The following SGPP2 variants were observed in gnomAD, a reference collection of about 807,000 sequenced individuals.
SGPP2 encodes the protein sphingosine-1-phosphate phosphatase 2.
In SGPP2, 30 loss-of-function variants were observed where a neutral mutation model predicts 33.9. The observed-to-expected ratio is 0.89, with a 90% CI of 0.66 to 1.20. The LOEUF is 1.20. SGPP2 is among the 50% of genes most tolerant of loss of function. The pLI is 0.00. For missense variants in SGPP2, 458 were observed against 532.1 expected (o/e 0.86, Z 1.37); for synonymous variants, 233 against 225.0 (o/e 1.04, Z -0.32).
intron 1 of SGPP2, among the ~76,000 whole-genome samples, chr2:222,426,304 C>T (rs1200719398): frequency 1.3e-5 from 2 of 151,514 alleles, no homozygotes; most frequent in African/African-American, 4.9e-5. Flanking sequence ...ATATTCGGTG[C>T]ACACACTGTT....
rs868347768 is a variant in SGPP2, at chr2:222,476,939, G to A, written c.378+2213G>A. Among the ~76,000 whole-genome samples the A allele has an allele frequency of 2.0e-5, 3 of 151,372 alleles. No individual in the cohort carries two copies. The highest frequency in any genetic ancestry group is 7.3e-5 in the African/African-American group (3 of 41,038). Reference sequence around the variant, plus strand: ...TATATATGTGTATTGGAGTATATAGGTGTGTATGTATGTATGTATAGTGTG... The same window carrying A: ...TATATATGTGTATTGGAGTATATAGATGTGTATGTATGTATGTATAGTGTG... On this transcript the variant is annotated intron_variant, in intron 2 of 4. Coordinates refer to ENST00000321276, the MANE Select transcript of SGPP2 (RefSeq NM_152386.4). The surrounding 1 kb of genome is among the most constrained non-coding windows in gnomAD (Gnocchi z 4.3).
chr2:222,449,806 AG>A (rs1291018289), intron 1 of SGPP2, among the ~76,000 whole-genome samples: 1 of 152,178 alleles, frequency 6.6e-6, no homozygotes, highest in South Asian at 2.1e-4. Context: ...GTGTGTACCA[AG>A]GGGAATGTAG....
chr2:222,496,903 C>G (rs1698289651), intron 2 of SGPP2, among the ~76,000 whole-genome samples: 1 of 152,144 alleles, frequency 6.6e-6, no homozygotes, highest in Non-Finnish European at 1.5e-5. Context: ...TATTGGGTAA[C>G]ATAAATAAAG....
intron 1 of SGPP2, among the ~76,000 whole-genome samples, chr2:222,455,063 A>G (rs1697550882): frequency 1.3e-5 from 2 of 152,048 alleles, no homozygotes; most frequent in East Asian, 3.9e-4. Flanking sequence ...GAAAAAAACT[A>G]ACAGGTACAA....
intron 2 of SGPP2, chr2:222,504,004 T>C (rs1191063043): frequency 6.6e-6 from 1 of 152,168 alleles, no homozygotes; most frequent in East Asian, 1.9e-4. Flanking sequence ...AGATCAAAAA[T>C]GGGATAGTGG....
intron 1 of SGPP2, among the ~76,000 whole-genome samples, chr2:222,431,517 C>T (rs1041036835): frequency 1.1e-4 from 17 of 151,828 alleles, no homozygotes; most frequent in African/African-American, 2.7e-4. Context: ...GCCCCCCGCT[C>T]GAAGTCTAAA....
At chr2:222,487,681 A>G (rs1414923043) in intron 2 of SGPP2, among the ~76,000 whole-genome samples, 4 of 152,192 alleles carry the variant, frequency 2.6e-5, no homozygotes, top group Non-Finnish European at 5.9e-5. Flanking sequence ...GGGCTTTCAC[A>G]GGAGAGACAG....
intron 1 of SGPP2, 109 bp from the exon 2 acceptor site, chr2:222,474,459 G>C (rs1697898152): frequency 1.1e-6 from 1 of 897,274 alleles, no homozygotes; most frequent in Non-Finnish European, 1.7e-6. Flanking sequence ...TAACATAATG[G>C]GAGAGGAGAC....
At chr2:222,439,868 C>A (rs1347658365) in intron 1 of SGPP2, among the ~76,000 whole-genome samples, 1 of 151,998 alleles carries the variant, frequency 6.6e-6, no homozygotes, top group Admixed American at 6.6e-5. Context: ...CACAAGTCTG[C>A]ACTTGTGATA....
chr2:222,432,766 A>C (rs912958998), intron 1 of SGPP2, among the ~76,000 whole-genome samples: 2 of 152,298 alleles, frequency 1.3e-5, no homozygotes, highest in Admixed American at 1.3e-4. Context: ...TCACGCCTGT[A>C]ATCCCAGCAC....
intron 4 of SGPP2, among the ~76,000 whole-genome samples, chr2:222,546,399 A>G (rs1689204023): frequency 6.6e-6 from 1 of 152,190 alleles, no homozygotes; most frequent in Non-Finnish European, 1.5e-5. Flanking sequence ...AACATACTTA[A>G]TAACAAGGAT....
At chr2:222,491,094 A>C (rs1698190074) in intron 2 of SGPP2, among the ~76,000 whole-genome samples, 1 of 152,030 alleles carries the variant, frequency 6.6e-6, no homozygotes, top group Non-Finnish European at 1.5e-5. Context: ...TGAGTCAGTT[A>C]TTATTTCTAA....
chr2:222,444,378 T>G (rs1697369010), intron 1 of SGPP2, among the ~76,000 whole-genome samples: 1 of 152,242 alleles, frequency 6.6e-6, no homozygotes, highest in Non-Finnish European at 1.5e-5. Flanking sequence ...TAAAAGTGCT[T>G]TTCCAGGTTC....
intron 1 of SGPP2, among the ~76,000 whole-genome samples, chr2:222,451,146 A>G (rs1697481206): frequency 6.6e-6 from 1 of 152,002 alleles, no homozygotes. Flanking sequence ...AAGAGAAAAA[A>G]AAAAAAAAAA....
chr2:222,474,438 T>G, intron 1 of SGPP2, 130 bp from the exon 2 acceptor site: 1 of 719,122 alleles, frequency 1.4e-6, no homozygotes, highest in Non-Finnish European at 2.2e-6. Context: ...GCCACAGCAA[T>G]GATACCTTAA....
chr2:222,509,220 C>T (rs1171532943), intron 2 of SGPP2, among the ~76,000 whole-genome samples: 1 of 152,000 alleles, frequency 6.6e-6, no homozygotes, highest in Admixed American at 6.6e-5. Context: ...GAGAAGCTTC[C>T]ATGATGACCC....
intron 2 of SGPP2, among the ~76,000 whole-genome samples, chr2:222,505,900 A>G (rs1184521129): frequency 6.7e-6 from 1 of 148,656 alleles, no homozygotes; most frequent in Non-Finnish European, 1.5e-5. Flanking sequence ...GTACCACTGC[A>G]CTCTAGCCTG....
chr2:222,486,668 A>G (rs1698114530), intron 2 of SGPP2, among the ~76,000 whole-genome samples: 1 of 152,138 alleles, frequency 6.6e-6, no homozygotes, highest in African/African-American at 2.4e-5. Context: ...AGGCACTACT[A>G]TTATGACTCT....
In SGPP2 at chr2:222,505,749, C is replaced by T. The variant is rs567319013; in HGVS notation, c.379-16018C>T. Among the ~76,000 whole-genome samples, 316 of 151,906 alleles carry T rather than the reference C, an allele frequency of 2.1e-3. 1 individual carries two copies. The highest frequency in any genetic ancestry group is 7.2e-3 in the African/African-American group (297 of 41,432). ...AGAAGTTCAAGACCAGCCTAGGAAA[C>T]GTGGCAAAACCCCATCTCTACAAAA... On this transcript the variant is annotated intron_variant, in intron 2 of 4. Transcript: ENST00000321276.
Sources: gnomAD v4.1 joint callset for allele counts (sites outside exome capture counted in the v4.1 genomes callset) on GRCh38, gnomAD v4.1.1 for gene constraint, Gnocchi (gnomAD v3.1) non-coding constraint, MANE v1.5 for transcripts, NCBI Gene and HGNC (gene_info 2026-07-23, HGNC 2026-07-21) for gene names.